Variants in TBC1D22A observed in about 807,000 individuals in gnomAD.
TBC1D22A encodes TBC1 domain family member 22A.
In TBC1D22A, 38 loss-of-function variants were observed where a neutral mutation model predicts 60.2. That is an observed-to-expected ratio of 0.63 (90% CI 0.49 to 0.83). TBC1D22A has a LOEUF of 0.83. TBC1D22A is among the 40% of genes least tolerant of loss of function. The pLI, the probability that TBC1D22A is intolerant of heterozygous loss-of-function variation, is 0.00. For missense variants in TBC1D22A, 628 were observed against 701.0 expected (o/e 0.90, Z 1.18); for synonymous variants, 302 against 281.7 (o/e 1.07, Z -0.72).
chr22:47,006,246 T>C (rs1342433573), intron 10 of TBC1D22A, among the ~76,000 whole-genome samples: 2 of 152,226 alleles, frequency 1.3e-5, no homozygotes, highest in Non-Finnish European at 2.9e-5. Flanking sequence ...AGGACTTCGA[T>C]TGAGCTATAA....
intron 12 of TBC1D22A, among the ~76,000 whole-genome samples, chr22:47,138,824 C>A (rs1051843607): frequency 6.6e-6 from 1 of 152,144 alleles, no homozygotes; most frequent in Non-Finnish European, 1.5e-5. Context: ...TCTGCCATGT[C>A]CTCACACGGT....
intron 12 of TBC1D22A, among the ~76,000 whole-genome samples, chr22:47,160,006 C>CACACCATATA (rs1184584654): frequency 1.3e-5 from 2 of 152,206 alleles, no homozygotes; most frequent in East Asian, 3.9e-4. Context: ...ACACACACTG[C>CACACCATATA]ACACCATATA....
intron 6 of TBC1D22A, among the ~76,000 whole-genome samples, chr22:46,894,084 C>G (rs146549144): frequency 2.0e-5 from 3 of 152,300 alleles, no homozygotes; most frequent in Admixed American, 6.5e-5. Flanking sequence ...TGCCTGTCTT[C>G]CCTCAGTCCA....
At chr22:46,941,236 C>G (rs943655254) in intron 8 of TBC1D22A, among the ~76,000 whole-genome samples, 4 of 144,340 alleles carry the variant, frequency 2.8e-5, no homozygotes, top group African/African-American at 5.2e-5. Context: ...CACACACACA[C>G]AGTCCACCCT....
intron 11 of TBC1D22A, among the ~76,000 whole-genome samples, chr22:47,095,288 T>A (rs942708019): frequency 5.9e-5 from 9 of 152,228 alleles, no homozygotes; most frequent in African/African-American, 2.2e-4. Context: ...AAACCACATC[T>A]ATGTAAATAC....
In TBC1D22A at chr22:47,018,214, C is replaced by T. The variant is rs1018849077; in HGVS notation, c.1202-18857C>T. On this transcript the variant is annotated intron_variant, in intron 10 of 12. Transcript: ENST00000337137. ...CTGTTCTTCCTATCCATGGAAGGGG[C>T]GCCCATGGAGGGGCGGAGTTTTCCC... Among the ~76,000 whole-genome samples, 12 of 152,364 alleles carry T rather than the reference C, an allele frequency of 7.9e-5. 2 individuals carry two copies. Among genetic ancestry groups the T allele is most frequent in the Admixed American group, 5.2e-4 (8 of 15,308 alleles).
intron 11 of TBC1D22A, among the ~76,000 whole-genome samples, chr22:47,040,030 C>T (rs377498379): frequency 0.019 from 2,844 of 148,776 alleles, 49 homozygotes; most frequent in South Asian, 0.078. Context: ...CTGCAAGCTC[C>T]GCCTCCCAGG....
intron 12 of TBC1D22A, among the ~76,000 whole-genome samples, chr22:47,157,136 C>T (rs1325163648): frequency 6.6e-6 from 1 of 152,212 alleles, no homozygotes; most frequent in Non-Finnish European, 1.5e-5. Context: ...GATTCGTCTC[C>T]TTGCAGTGCT....
At position 47,028,448 on chromosome 22, in the gene TBC1D22A, C is replaced by G. The variant is rs1010223868; in HGVS notation, c.1202-8623C>G. On this transcript the variant is annotated intron_variant, in intron 10 of 12. Coordinates refer to ENST00000337137, the MANE Select transcript of TBC1D22A (RefSeq NM_014346.5). This position sits in a 1 kb window ranked among gnomAD's most constrained non-coding sequence, Gnocchi z 4.4. ...AGCGAGTGGTCGCATTCCTGTCCCT[C>G]GGTCCCTGTCCCCCACGGCCCAGGT... 2.1e-4 allele frequency among the ~76,000 whole-genome samples: 26 copies of G among 125,446 alleles called. No homozygotes were observed. The highest frequency in any genetic ancestry group is 1.4e-3 in the Admixed American group (18 of 13,168). The allele number at this position is 125,446 out of a possible 152,430, so 82.3% of individuals were successfully genotyped here.
intron 10 of TBC1D22A, among the ~76,000 whole-genome samples, chr22:47,003,755 C>T (rs111220765): frequency 5.2e-5 from 4 of 76,706 alleles, no homozygotes; most frequent in Admixed American, 1.4e-4. Flanking sequence ...ACACACACAC[C>T]GTACACACAC....
At chr22:46,785,111 C>T (rs1601850563) in intron 1 of TBC1D22A, among the ~76,000 whole-genome samples, 1 of 152,178 alleles carries the variant, frequency 6.6e-6, no homozygotes, top group South Asian at 2.1e-4. Flanking sequence ...TGATTCTGCT[C>T]ATAGGGTTTG....
At chr22:46,877,464 G>T (rs565589593) in intron 4 of TBC1D22A, among the ~76,000 whole-genome samples, 3 of 152,230 alleles carry the variant, frequency 2.0e-5, no homozygotes, top group African/African-American at 4.8e-5. Flanking sequence ...GAACATGGTC[G>T]GTAAACATTA....
intron 12 of TBC1D22A, among the ~76,000 whole-genome samples, chr22:47,130,288 C>T (rs900444967): frequency 1.8e-4 from 28 of 152,338 alleles, no homozygotes; most frequent in African/African-American, 6.7e-4. Flanking sequence ...GGACCCATCC[C>T]TTCTAGGCCC....
Position 46,789,905 on chromosome 22 carries a change from G to A in TBC1D22A, c.63-2615G>A, listed in dbSNP as rs1430337523. ...TGAACTAGCACACGGCAATGTTTAT[G>A]CACTCTCAGAAGGGTCAGGCCTTTC... On this transcript the variant is annotated intron_variant, in intron 1 of 12. Transcript: ENST00000337137. Among the ~76,000 whole-genome samples the A allele has an allele frequency of 2.0e-5, 3 of 152,218 alleles. No individual in the cohort carries two copies. In the East Asian group the frequency reaches 5.8e-4, roughly 29 times the overall value.
At chr22:46,860,197 TCC>T (rs2087786510) in intron 4 of TBC1D22A, among the ~76,000 whole-genome samples, 2 of 7,732 alleles carry the variant, frequency 2.6e-4, no homozygotes, top group Non-Finnish European at 2.3e-4. Context: ...AGAATCCTTT[TCC>T]ATAGAGGTCC....
intron 8 of TBC1D22A, among the ~76,000 whole-genome samples, chr22:46,972,629 C>T (rs958140900): frequency 2.0e-5 from 3 of 152,046 alleles, no homozygotes; most frequent in Non-Finnish European, 2.9e-5. Flanking sequence ...GGTTGCCAGG[C>T]GTGGGGTGGG....
rs1335727569 is a variant in TBC1D22A at position 47,029,631 on chromosome 22, G to A, written c.1202-7440G>A. Among the ~76,000 whole-genome samples the A allele has an allele frequency of 2.0e-5, 3 of 152,228 alleles. No individual in the cohort carries two copies. In the East Asian group the frequency reaches 5.8e-4, roughly 29 times the overall value. ...GCCGGCAGCCTCGATCTTGGCCAAG[G>A]CTCCTGGCTGCCGCTTCTGGGGCGG... On this transcript the variant is annotated intron_variant, in intron 10 of 12. Transcript: ENST00000337137.
chr22:46,769,223 C>A (rs1449530286), intron 1 of TBC1D22A, among the ~76,000 whole-genome samples: 2 of 152,138 alleles, frequency 1.3e-5, no homozygotes, highest in African/African-American at 2.4e-5. Flanking sequence ...GCTCTGACAG[C>A]CTTCAGCTTA....
intron 12 of TBC1D22A, among the ~76,000 whole-genome samples, chr22:47,126,276 C>T (rs1175110268): frequency 1.3e-5 from 2 of 152,240 alleles, no homozygotes; most frequent in African/African-American, 2.4e-5. Context: ...GCCACCGTGC[C>T]CGGCCAGATG....
Sources: gnomAD v4.1 joint callset for allele counts (sites outside exome capture counted in the v4.1 genomes callset) on GRCh38, gnomAD v4.1.1 for gene constraint, Gnocchi (gnomAD v3.1) non-coding constraint, MANE v1.5 for transcripts, NCBI Gene and HGNC (gene_info 2026-07-23, HGNC 2026-07-21) for gene names.